TOP2A: variants seen among roughly 807,000 people sequenced by gnomAD.
TOP2A encodes DNA topoisomerase 2-alpha.
TOP2A carries 68 observed loss-of-function variants against 187.2 expected under a neutral mutation model. That is an observed-to-expected ratio of 0.36 (90% CI 0.30 to 0.44). The LOEUF (loss-of-function observed/expected upper bound fraction) is 0.44. TOP2A is among the 20% of genes least tolerant of loss of function. The pLI is 1.00. For synonymous variants in TOP2A, 542 were observed against 593.2 expected (o/e 0.91, Z 1.25); for missense variants, 1,196 against 1,808.7 (o/e 0.66, Z 6.14).
At chr17:40,406,156 CT>C (rs2035241798) in intron 16 of TOP2A, among the ~76,000 whole-genome samples, 1 of 152,302 alleles carries the variant, frequency 6.6e-6, no homozygotes, top group East Asian at 1.9e-4. Context: ...CTGCCTTGGC[CT>C]CCCAAAGTCC....
Position 40,416,915 on chromosome 17 carries a change from A to G in TOP2A, c.22-20T>C. 4 of 1,564,728 alleles carry G rather than the reference A, an allele frequency of 2.6e-6. No individual in the cohort carries two copies. The highest frequency in any genetic ancestry group is 3.5e-6 in the Non-Finnish European group (4 of 1,158,824). On this transcript the variant is annotated intron_variant, in intron 1 of 34. Transcript: ENST00000423485. ...TACAGGCTAGCAATTAAAAAAAAAG[A>G]GAGAAAGAAGGGAATTTTTAATCAT...
rs778973745 is a variant in TOP2A, at chr17:40,400,836, C to T, written c.2664+14G>A. The T allele has an allele frequency of 6.2e-7, 1 of 1,612,660 alleles. No homozygotes were observed. Among genetic ancestry groups the T allele is most frequent in the Non-Finnish European group, 8.5e-7 (1 of 1,178,764 alleles). ...AGGAAAAGTTAAGGCTCTTAACACA[C>T]ACAGAATACTTACCATTGGCAAAGG... On this transcript the variant is annotated intron_variant, in intron 21 of 34. Coordinates refer to ENST00000423485, the MANE Select transcript of TOP2A (RefSeq NM_001067.4).
At chr17:40,414,833 G>A (rs1321650579) in intron 4 of TOP2A, among the ~76,000 whole-genome samples, 3 of 138,178 alleles carry the variant, frequency 2.2e-5, no homozygotes, top group African/African-American at 8.2e-5. Flanking sequence ...TCCAGACTGG[G>A]CAATAAGAGC....
rs2035022004 is a variant in TOP2A, at chr17:40,391,536, T to G, written c.4237A>C (p.Asn1413His). ...GCTGCTGTCTTCTTCACTGTCACAT[T>G]CTTTTTAGGAACTGGGTTTGTAATT... is the stretch of plus-strand genomic sequence containing the variant. The part of the protein sequence containing the change: ...TEITNPVPKK[N>H]VTVKKTAAKS... Residue 1413 changes from asparagine to histidine, a missense_variant, in exon 33 of 35, where the codon AAT becomes CAT. By Grantham distance (68) the Asn-to-His change is moderately conservative (BLOSUM62 1). Transcript: ENST00000423485. The G allele has an allele frequency of 6.2e-7, 1 of 1,612,786 alleles. No homozygotes were observed. The highest frequency in any genetic ancestry group is 1.3e-5 in the African/African-American group (1 of 74,912).
chr17:40,409,644 C>T (rs571552011), intron 10 of TOP2A: 4 of 259,224 alleles, frequency 1.5e-5, no homozygotes, highest in Non-Finnish European at 3.1e-5. Context: ...CTGTAATCCC[C>T]GCTACTCAGG....
rs1963350902 is a variant in TOP2A, at chr17:40,390,151, G to A, written c.4281C>T (p.Thr1427=). 6.2e-7 allele frequency: 1 copy of A among 1,611,302 alleles called. No homozygotes were observed. The change falls in exon 34 of 35, where the codon ACC becomes ACT. Residue 1427 remains threonine, a synonymous_variant. Transcript: ENST00000423485. ...KKTAAKSQSS[T]STTGAKKRAA... Reference sequence around the variant, plus strand: ...CCCTTTTTTTGGCACCGGTAGTGGAGGTGGAAGACTGACCTGCAATTCAAT... The same window carrying A: ...CCCTTTTTTTGGCACCGGTAGTGGAAGTGGAAGACTGACCTGCAATTCAAT...
chr17:40,415,153 C>T (rs1350847977), intron 4 of TOP2A, among the ~76,000 whole-genome samples: 1 of 151,226 alleles, frequency 6.6e-6, no homozygotes, highest in East Asian at 2.0e-4. Flanking sequence ...CTCCCGGGTT[C>T]ATGCCATTCT....
At chr17:40,413,442 T>G (rs758988915) in intron 5 of TOP2A, 38 bp downstream of exon 5, 1 of 1,467,732 alleles carries the variant, frequency 6.8e-7, no homozygotes, top group African/African-American at 1.4e-5. Context: ...TATATATATT[T>G]TTAGCAACAA....
At position 40,410,784 on chromosome 17, in the gene TOP2A, G is replaced by C. The variant is rs1598618252; in HGVS notation, c.1203+325C>G. The C allele has an allele frequency of 1.0e-5, 4 of 388,536 alleles. No homozygotes were observed. In the East Asian group the frequency reaches 2.7e-4, roughly 26 times the overall value. The allele number at this position is 388,536 out of a possible 1,614,324, so 24.1% of individuals were successfully genotyped here. ...GGGCTGCTTGTATGGGCAAATCAGT[G>C]AGTATGGAGGTAACAAATTCAATTT... On this transcript the variant is annotated intron_variant, in intron 10 of 34. Transcript: ENST00000423485.
At position 40,400,353 on chromosome 17, in the gene TOP2A, A is replaced by G; in HGVS notation, c.2856T>C (p.Pro952=). ...PMLNGTEKTP[P]LITDYREYHT... ...GGTATTCCCTATAGTCTGTTATGAG[A>G]GGAGGTGTCTTCTCGGTGCCATTCA... The change falls in exon 23 of 35, where the codon CCT becomes CCC. Residue 952 remains proline, a synonymous_variant. Coordinates refer to ENST00000423485, the MANE Select transcript of TOP2A (RefSeq NM_001067.4). The G allele has an allele frequency of 6.2e-7, 1 of 1,613,544 alleles. No homozygotes were observed.
At chr17:40,399,733 T>TAAA in intron 24 of TOP2A, 139 bp downstream of exon 24, 1 of 640,352 alleles carries the variant, frequency 1.6e-6, no homozygotes, top group East Asian at 2.9e-5. Context: ...TCAGATATTT[T>TAAA]AAAGAAATGC....
chr17:40,404,365 A>G lies in TOP2A; in HGVS notation c.2161+12T>C. On this transcript the variant is annotated intron_variant, in intron 18 of 34. Transcript: ENST00000423485. ...TCTTACAATGAAAACAGACTAACAA[A>G]TTGGAACTCACCATCCACCATAGAA... 6.2e-7 allele frequency: 1 copy of G among 1,605,564 alleles called. No individual in the cohort carries two copies. Among genetic ancestry groups the G allele is most frequent in the Non-Finnish European group, 8.5e-7 (1 of 1,174,218 alleles).
At chr17:40,390,818 T>A (rs532299) in intron 33 of TOP2A, among the ~76,000 whole-genome samples, 1 of 151,642 alleles carries the variant, frequency 6.6e-6, no homozygotes, top group Non-Finnish European at 1.5e-5. Flanking sequence ...AGAGATGAGG[T>A]TTCACTATGT....
In TOP2A at chr17:40,392,303, C is replaced by T; in HGVS notation, c.4003G>A (p.Asp1335Asn). 6.2e-7 allele frequency: 1 copy of T among 1,603,482 alleles called. No individual in the cohort carries two copies. Among genetic ancestry groups the T allele is most frequent in the South Asian group, 1.1e-5 (1 of 89,578 alleles). Reference protein sequence around the residue: ...KFTMDLDSDEDFSDFDEKTDD... With the variant: ...KFTMDLDSDENFSDFDEKTDD... Reference sequence around the variant, plus strand: ...GTTTTTTCATCAAAATCTGAGAAATCTTCATCTGAATCCAAATCCATTGTG... The same window carrying T: ...GTTTTTTCATCAAAATCTGAGAAATTTTCATCTGAATCCAAATCCATTGTG... Residue 1335 changes from aspartate to asparagine, a missense_variant, in exon 31 of 35, where the codon GAT becomes AAT. Transcript: ENST00000423485.
In TOP2A at chr17:40,396,287, ATTTTCTTTTTAT is replaced by A. The variant is rs1234237300; in HGVS notation, c.3704_3715del (p.Asn1235_Lys1238del). 10 of 1,563,308 alleles carry A rather than the reference ATTTTCTTTTTAT, an allele frequency of 6.4e-6. No individual in the cohort carries two copies. The highest frequency in any genetic ancestry group is 8.8e-6 in the Non-Finnish European group (10 of 1,138,962). ...GAGCCACCACAAGAGTATTACCTTA[ATTTTCTTTTTAT>A]TTTTCTTTTCTGCCTCTGCTTTCAT... On this transcript the variant is annotated inframe_deletion, in exon 28 of 35. Transcript: ENST00000423485.
chr17:40,411,311 TCTTC>T lies in TOP2A; in HGVS notation c.1065+39_1065+42del, dbSNP rs759110183. Reference sequence around the variant, plus strand: ...CATGCTTTATTTATAGCCTTTCTCTTCTTCCTTGACTTTAGAAAAAGAAAACTGC... The same window carrying T: ...CATGCTTTATTTATAGCCTTTCTCTTCTTGACTTTAGAAAAAGAAAACTGC... On this transcript the variant is annotated intron_variant, in intron 9 of 34. Transcript: ENST00000423485. This position sits in a 1 kb window ranked among gnomAD's most constrained non-coding sequence, Gnocchi z 4.4. 1.9e-6 allele frequency: 3 copies of T among 1,612,516 alleles called. No individual in the cohort carries two copies. Among genetic ancestry groups the T allele is most frequent in the African/African-American group, 1.3e-5 (1 of 74,786 alleles).
At position 40,400,045 on chromosome 17, in the gene TOP2A, C is replaced by A; in HGVS notation, c.3023G>T (p.Cys1008Phe). Residue 1008 changes from cysteine to phenylalanine, a missense_variant, in exon 24 of 35, where the codon TGT becomes TTT. Physicochemically the swap from Cys to Phe is radical, Grantham distance 205 (BLOSUM62 -2). Around this residue, in one of 10 missense-constraint regions of TOP2A, gnomAD observed 232 missense variants for 306.1 expected, o/e 0.76. Coordinates refer to ENST00000423485, the MANE Select transcript of TOP2A (RefSeq NM_001067.4). Reference protein sequence around the residue: ...NSMVLFDHVGCLKKYDTVLDI... With the variant: ...NSMVLFDHVGFLKKYDTVLDI... Reference sequence around the variant, plus strand: ...CAACACCGTGTCATATTTCTTTAAACAGCCTACGTGGTCAAAAAGCACCTG... The same window carrying A: ...CAACACCGTGTCATATTTCTTTAAAAAGCCTACGTGGTCAAAAAGCACCTG... 1 of 1,609,968 alleles carries A rather than the reference C, an allele frequency of 6.2e-7. No homozygotes were observed. The highest frequency in any genetic ancestry group is 8.5e-7 in the Non-Finnish European group (1 of 1,178,556).
chr17:40,415,701 C>T (rs1413959082), intron 4 of TOP2A, among the ~76,000 whole-genome samples: 1 of 152,172 alleles, frequency 6.6e-6, no homozygotes, highest in Admixed American at 6.5e-5. Context: ...ATGGCACACA[C>T]CCATAATGCC....
chr17:40,389,456 A>G lies in TOP2A; in HGVS notation c.*63T>C. The stretch of plus-strand genomic sequence containing the variant: ...CAGAGGGGAGGAAGTTAAGAGCTTC[A>G]GGTAACTTTAAAACCAGTCTTGGGC... On this transcript the variant is annotated 3_prime_UTR_variant, in exon 35 of 35. Transcript: ENST00000423485. 6 of 1,522,432 alleles carry G rather than the reference A, an allele frequency of 3.9e-6. No individual in the cohort carries two copies. In the South Asian group the frequency reaches 6.2e-5, roughly 16 times the overall value. 94.3% of individuals were successfully genotyped at this position (1,522,432 alleles called of 1,614,324 possible).
Sources: gnomAD v4.1 joint callset for allele counts (sites outside exome capture counted in the v4.1 genomes callset) on GRCh38, gnomAD v4.1.1 for gene constraint, gnomAD v4.1.1 regional missense constraint, Gnocchi (gnomAD v3.1) non-coding constraint, MANE v1.5 for transcripts, NCBI Gene and HGNC (gene_info 2026-07-23, HGNC 2026-07-21) for gene names.